Variants in DACH1 observed in about 807,000 individuals in gnomAD.
DACH1 encodes dachshund homolog 1.
DACH1 carries 12 observed loss-of-function variants against 54.2 expected under a neutral mutation model. The observed-to-expected ratio is 0.22, with a 90% confidence interval of 0.14 to 0.36. DACH1 has a LOEUF of 0.36. Ranked by LOEUF, DACH1 falls within the 10% of genes least tolerant of loss-of-function variation. DACH1 has a pLI of 1.00. For missense variants in DACH1, 805 were observed against 929.8 expected (o/e 0.87, Z 1.75); for synonymous variants, 386 against 366.2 (o/e 1.05, Z -0.62).
chr13:71,604,168 C>A (rs1874714993), intron 3 of DACH1, among the ~76,000 whole-genome samples: 1 of 151,862 alleles, frequency 6.6e-6, no homozygotes, highest in Admixed American at 6.6e-5. Flanking sequence ...TGTAATTTCA[C>A]AAACTTCAGT....
chr13:71,603,880 T>C (rs1325330694), intron 3 of DACH1, among the ~76,000 whole-genome samples: 1 of 151,922 alleles, frequency 6.6e-6, no homozygotes, highest in Non-Finnish European at 1.5e-5. Flanking sequence ...TGTTTCTTTA[T>C]TACAAAGGAG....
chr13:71,864,259 C>T (rs1874564828), intron 1 of DACH1, among the ~76,000 whole-genome samples: 1 of 151,292 alleles, frequency 6.6e-6, no homozygotes, highest in Non-Finnish European at 1.5e-5. Flanking sequence ...CCAAACACAC[C>T]CAAGTCCCAT....
intron 6 of DACH1, among the ~76,000 whole-genome samples, chr13:71,495,260 G>A (rs951429710): frequency 6.6e-6 from 1 of 151,890 alleles, no homozygotes; most frequent in Non-Finnish European, 1.5e-5. Flanking sequence ...ACAGATCTGG[G>A]AGTTTCCTTG....
At chr13:71,548,650 C>T (rs867464774) in intron 6 of DACH1, among the ~76,000 whole-genome samples, 5 of 152,214 alleles carry the variant, frequency 3.3e-5, no homozygotes, top group Middle Eastern at 3.4e-3. Flanking sequence ...CTGTGTGGTG[C>T]TCACGCCTGT....
At chr13:71,444,096 CTAA>C (rs1461335260) in intron 10 of DACH1, among the ~76,000 whole-genome samples, 9 of 151,992 alleles carry the variant, frequency 5.9e-5, no homozygotes, top group East Asian at 1.9e-4. Flanking sequence ...GTAAACAAAC[CTAA>C]TAATATTATA....
At chr13:71,706,027 T>A (rs1419417092) in intron 1 of DACH1, among the ~76,000 whole-genome samples, 2 of 151,966 alleles carry the variant, frequency 1.3e-5, no homozygotes, top group Admixed American at 1.3e-4. Context: ...AATCAAGAAA[T>A]CTAGTGATCA....
intron 4 of DACH1, among the ~76,000 whole-genome samples, chr13:71,572,189 A>G (rs1566350297): frequency 6.6e-6 from 1 of 152,216 alleles, no homozygotes; most frequent in Non-Finnish European, 1.5e-5. Flanking sequence ...TGATTTAAGT[A>G]CACATTTTAA....
At chr13:71,848,864 G>A (rs2138258357) in intron 1 of DACH1, among the ~76,000 whole-genome samples, 1 of 152,254 alleles carries the variant, frequency 6.6e-6, no homozygotes, top group African/African-American at 2.4e-5. Flanking sequence ...AATTTCTGCA[G>A]TAGTTTCAAA....
intron 6 of DACH1, among the ~76,000 whole-genome samples, chr13:71,544,319 A>G (rs1209126840): frequency 6.6e-6 from 1 of 152,144 alleles, no homozygotes; most frequent in South Asian, 2.1e-4. Flanking sequence ...AAACTCCTAT[A>G]TATGGGTTTA....
chr13:71,597,885 G>A (rs979417525), intron 3 of DACH1, among the ~76,000 whole-genome samples: 1 of 152,158 alleles, frequency 6.6e-6, no homozygotes, highest in African/African-American at 2.4e-5. Flanking sequence ...GGAAGGCTGA[G>A]GTGGGCATAT....
intron 6 of DACH1, among the ~76,000 whole-genome samples, chr13:71,508,303 G>T (rs1303090431): frequency 6.6e-6 from 1 of 152,064 alleles, no homozygotes. Context: ...TTTTCGTCCT[G>T]TTTCTTCATC....
At chr13:71,754,767 G>T (rs1885073409) in intron 1 of DACH1, among the ~76,000 whole-genome samples, 1 of 149,602 alleles carries the variant, frequency 6.7e-6, no homozygotes, top group Non-Finnish European at 1.5e-5. Flanking sequence ...CAAATATATC[G>T]CACAACTCTG....
chr13:71,798,339 T>C (rs1304408463), intron 1 of DACH1, among the ~76,000 whole-genome samples: 13 of 126,076 alleles, frequency 1.0e-4, no homozygotes, highest in Middle Eastern at 7.4e-3. Flanking sequence ...TATATATATA[T>C]ATATATATAT....
chr13:71,762,094 C>G (rs1278188788), intron 1 of DACH1, among the ~76,000 whole-genome samples: 3 of 151,944 alleles, frequency 2.0e-5, no homozygotes, highest in East Asian at 3.9e-4. Flanking sequence ...ATTAATTATA[C>G]AGACCAGAAA....
intron 1 of DACH1, among the ~76,000 whole-genome samples, chr13:71,838,045 G>T (rs1195261029): frequency 7.6e-6 from 1 of 132,352 alleles, no homozygotes; most frequent in Non-Finnish European, 1.6e-5. Context: ...AAAAAAAGAA[G>T]TGCCAACCTA....
At chr13:71,601,366 C>T (rs1874480763) in intron 3 of DACH1, among the ~76,000 whole-genome samples, 1 of 151,896 alleles carries the variant, frequency 6.6e-6, no homozygotes, top group Non-Finnish European at 1.5e-5. Flanking sequence ...TTTTCTTCAA[C>T]AGGAAAACAT....
At chr13:71,653,171 A>C (rs2138628356) in intron 2 of DACH1, among the ~76,000 whole-genome samples, 1 of 152,242 alleles carries the variant, frequency 6.6e-6, no homozygotes, top group East Asian at 1.9e-4. Context: ...ATTCATCCCC[A>C]TTTCCCAAAT....
intron 7 of DACH1, among the ~76,000 whole-genome samples, chr13:71,486,533 T>G (rs960872144): frequency 6.6e-6 from 1 of 152,136 alleles, no homozygotes; most frequent in East Asian, 1.9e-4. Flanking sequence ...ATCTGCAAGC[T>G]TTTGTAAAAT....
At chr13:71,515,404 C>T (rs566841156) in intron 6 of DACH1, among the ~76,000 whole-genome samples, 3 of 151,884 alleles carry the variant, frequency 2.0e-5, no homozygotes, top group South Asian at 4.2e-4. Context: ...CAGCATTTTG[C>T]TATTTTGTGA....
Sources: gnomAD v4.1 joint callset for allele counts (sites outside exome capture counted in the v4.1 genomes callset) on GRCh38, gnomAD v4.1.1 for gene constraint, MANE v1.5 for transcripts, NCBI Gene and HGNC (gene_info 2026-07-23, HGNC 2026-07-21) for gene names.